Variants in NASP observed in about 807,000 individuals in gnomAD.
NASP encodes nuclear autoantigenic sperm protein.
NASP carries 24 observed loss-of-function variants against 89.5 expected under a neutral mutation model. That is an observed-to-expected ratio of 0.27 (90% CI 0.19 to 0.38). The LOEUF is 0.38. Among genes scored for constraint, NASP ranks in the 10% least tolerant of loss-of-function variants. The probability of loss-of-function intolerance (pLI) is 1.00; values close to 1 mark genes in which losing one functional copy is unlikely to be tolerated. For missense variants in NASP, 848 were observed against 921.4 expected, an observed-to-expected ratio of 0.92 and a Z score of 1.03; for synonymous variants, 306 against 324.7, an observed-to-expected ratio of 0.94 and a Z score of 0.62.
intron 2 of NASP, among the ~76,000 whole-genome samples, chr1:45,596,432 G>A (rs1323689492): frequency 6.6e-6 from 1 of 152,082 alleles, no homozygotes; most frequent in East Asian, 1.9e-4. Context: ...GGCTACTTTA[G>A]GTACCTCGTA....
At chr1:45,616,571 T>G in intron 12 of NASP, 55 bp from the exon 13 acceptor site, 1 of 1,572,990 alleles carries the variant, frequency 6.4e-7, no homozygotes, top group South Asian at 1.1e-5. Context: ...TATAAAAGCC[T>G]CAGCATTGAT....
intron 4 of NASP, 44 bp from the exon 5 acceptor site, chr1:45,606,438 G>A (rs1643909405): frequency 7.0e-7 from 1 of 1,431,880 alleles, no homozygotes; most frequent in African/African-American, 1.4e-5. Flanking sequence ...AAAATTGCTA[G>A]GTTCTAGCCA....
chr1:45,605,156 G>A (rs1250856127), intron 4 of NASP, 140 bp downstream of exon 4: 1 of 680,600 alleles, frequency 1.5e-6, no homozygotes, highest in Non-Finnish European at 2.6e-6. Context: ...GTTGTGAATG[G>A]CACTTGATAC....
At chr1:45,601,350 T>G (rs1484448728) in intron 2 of NASP, among the ~76,000 whole-genome samples, 1 of 152,230 alleles carries the variant, frequency 6.6e-6, no homozygotes, top group Non-Finnish European at 1.5e-5. Context: ...AATTTTTGTA[T>G]GAGATATGAG....
At chr1:45,590,515 A>G (rs1643509648) in intron 1 of NASP, among the ~76,000 whole-genome samples, 1 of 147,630 alleles carries the variant, frequency 6.8e-6, no homozygotes, top group Non-Finnish European at 1.5e-5. Flanking sequence ...GTGCCAGGGC[A>G]CTCCAGCCTG....
rs1200084192 is a variant in NASP at position 45,584,071 on chromosome 1, A to G, written c.-76A>G. On this transcript the variant is annotated 5_prime_UTR_variant, in exon 1 of 15. Transcript: ENST00000350030. ...ATCTGCCATTTTCTGTCCCTGAGTG[A>G]GTCTCTGGCGTCCCAAATTGCCTGT... 20 of 1,379,574 alleles carry G rather than the reference A, an allele frequency of 1.4e-5. No homozygotes were observed. The highest frequency in any genetic ancestry group is 2.5e-5 in the East Asian group (1 of 39,626). The allele number at this position is 1,379,574 out of a possible 1,614,324, so 85.5% of individuals were successfully genotyped here. A position where few individuals can be genotyped will look rare whatever the true frequency, so the allele number is the denominator to read the frequency against.
At chr1:45,617,232 A>T (rs1644122358) in intron 13 of NASP, 1 of 470,734 alleles carries the variant, frequency 2.1e-6, no homozygotes, top group Admixed American at 4.0e-5. Context: ...CCTCACCCCA[A>T]CCCTATCTCC....
intron 9 of NASP, 33 bp downstream of exon 9, chr1:45,614,399 C>T (rs1440432039): frequency 6.7e-7 from 1 of 1,492,048 alleles, no homozygotes; most frequent in Non-Finnish European, 9.4e-7. Flanking sequence ...CTCTCCTACT[C>T]TCTTCAGCTC....
Position 45,615,387 on chromosome 1 carries a change from A to G in NASP, c.1938A>G (p.Leu646=), listed in dbSNP as rs1007051816. 3.7e-6 allele frequency: 6 copies of G among 1,614,220 alleles called. No individual in the cohort carries two copies. In the African/African-American group the frequency reaches 4.0e-5, roughly 11 times the overall value. ...AAATTGAGGAACTAAAGGAACTGCT[A>G]CCCGAAATTAGAGAGAAGATAGAAG... ...KKEIEELKEL[L]PEIREKIEDA... is the part of the protein sequence containing the mutation. Residue 646 remains leucine, a synonymous_variant, in exon 11 of 15, where the codon CTA becomes CTG. Coordinates refer to ENST00000350030, the MANE Select transcript of NASP (RefSeq NM_002482.4).
rs762750224 is a variant in NASP at position 45,617,610 on chromosome 1, C to T, written c.2286+19C>T. 1 of 1,558,854 alleles carries T rather than the reference C, an allele frequency of 6.4e-7. No homozygotes were observed. Among genetic ancestry groups the T allele is most frequent in the Non-Finnish European group, 8.6e-7 (1 of 1,158,440 alleles). On this transcript the variant is annotated intron_variant, in intron 14 of 14. Coordinates refer to ENST00000350030, the MANE Select transcript of NASP (RefSeq NM_002482.4). ...GGAGGAGGTGGGCAGTTAAGCAGGGCTTAGCCTCTTGCCTCATTCCTTGTT... is the reference window on the plus strand; with the variant it reads ...GGAGGAGGTGGGCAGTTAAGCAGGGTTTAGCCTCTTGCCTCATTCCTTGTT...
At chr1:45,614,608 G>A (rs961499297) in intron 9 of NASP, among the ~76,000 whole-genome samples, 3 of 151,964 alleles carry the variant, frequency 2.0e-5, no homozygotes, top group African/African-American at 4.8e-5. Flanking sequence ...GCGTAATCTC[G>A]GCTCACTGCA....
In NASP at chr1:45,615,456, T is replaced by G; in HGVS notation, c.2007T>G (p.Ala669=). 6.2e-7 allele frequency: 1 copy of G among 1,612,848 alleles called. No homozygotes were observed. Among genetic ancestry groups the G allele is most frequent in the Non-Finnish European group, 8.5e-7 (1 of 1,179,664 alleles). ...GTAGTGGGAATGTAGCTGAACTGGCTCTGAAAGCTACTCTGGTTGGTTCCG... is the reference window on the plus strand; with the variant it reads ...GTAGTGGGAATGTAGCTGAACTGGCGCTGAAAGCTACTCTGGTTGGTTCCG... ...SQRSGNVAEL[A]LKATLVESST... is the part of the protein sequence containing the mutation. Residue 669 remains alanine, a synonymous_variant, in exon 11 of 15, where the codon GCT becomes GCG. Coordinates refer to ENST00000350030, the MANE Select transcript of NASP (RefSeq NM_002482.4).
chr1:45,584,489 CT>C (rs1644498574), intron 1 of NASP, among the ~76,000 whole-genome samples: 1 of 152,204 alleles, frequency 6.6e-6, no homozygotes, highest in Non-Finnish European at 1.5e-5. Context: ...CCTCTCCTTC[CT>C]CCCCCAGCCC....
intron 6 of NASP, among the ~76,000 whole-genome samples, chr1:45,608,570 A>G (rs971776268): frequency 6.6e-6 from 1 of 152,124 alleles, no homozygotes; most frequent in Non-Finnish European, 1.5e-5. Flanking sequence ...TAACTGCAAA[A>G]TAGGCCTTCT....
In NASP at chr1:45,616,338, T is replaced by G; in HGVS notation, c.2024T>G (p.Val675Gly). The G allele has an allele frequency of 3.7e-6, 6 of 1,614,098 alleles. No homozygotes were observed. Among genetic ancestry groups the G allele is most frequent in the Non-Finnish European group, 5.1e-6 (6 of 1,179,934 alleles). The change falls in exon 12 of 15, where the codon GTG becomes GGG. Residue 675 changes from valine to glycine, a missense_variant and splice_region_variant. This residue lies in a region of NASP where 218 missense variants were observed against 219.6 expected (regional missense o/e 0.99). Coordinates refer to ENST00000350030, the MANE Select transcript of NASP (RefSeq NM_002482.4). ...VAELALKATL[V>G]ESSTSGFTPG... ...ATTTGGATTTGTCATTTCTCGCAGGTGGAGAGTTCTACTTCAGGTTTCACT... is the reference window on the plus strand; with the variant it reads ...ATTTGGATTTGTCATTTCTCGCAGGGGGAGAGTTCTACTTCAGGTTTCACT...
At chr1:45,616,292 C>T (rs1464673315) in intron 11 of NASP, 45 bp from the exon 12 acceptor site, 13 of 1,586,528 alleles carry the variant, frequency 8.2e-6, no homozygotes, top group Non-Finnish European at 1.1e-5. Context: ...TGTGGGCGGC[C>T]TGGGTTCTAT....
rs1643928595 is a variant in NASP, at chr1:45,607,544, A to G, written c.633A>G (p.Glu211=). The G allele has an allele frequency of 1.2e-6, 2 of 1,613,972 alleles. No homozygotes were observed. The highest frequency in any genetic ancestry group is 2.7e-5 in the African/African-American group (2 of 74,946). Residue 211 remains glutamate, a synonymous_variant, in exon 6 of 15, where the codon GAA becomes GAG. Transcript: ENST00000350030. ...TAGATTGGTTAACTGAAACCTCTGA[A>G]GAGGCAAAAGGAGGAGCAGCACCAG... The part of the protein sequence containing the change: ...LTLDWLTETS[E]EAKGGAAPEG...
intron 10 of NASP, 46 bp downstream of exon 10, chr1:45,615,247 T>C (rs760088345): frequency 6.2e-7 from 1 of 1,611,582 alleles, no homozygotes; most frequent in Non-Finnish European, 8.5e-7. Flanking sequence ...ATCCAGCAAT[T>C]AACAAGGAAG....
chr1:45,584,289 C>A (rs1056138160), intron 1 of NASP, 84 bp downstream of exon 1: 54 of 1,333,594 alleles, frequency 4.0e-5, no homozygotes, highest in Non-Finnish European at 5.5e-5. Flanking sequence ...AGGGGCAGAC[C>A]GGTGGGCGGG....
Sources: allele counts gnomAD v4.1 joint callset (sites outside exome capture counted in the v4.1 genomes callset), GRCh38; gene constraint gnomAD v4.1.1; regional missense constraint gnomAD v4.1.1; transcripts MANE v1.5; gene names NCBI Gene and HGNC (gene_info 2026-07-23, HGNC 2026-07-21).